The following KIAA0825 variants were observed in gnomAD, a reference collection of about 807,000 sequenced individuals.
KIAA0825 encodes uncharacterized protein KIAA0825.
In KIAA0825, 119 loss-of-function variants were observed where a neutral mutation model predicts 147.6. That is an observed-to-expected ratio of 0.81 (90% CI 0.69 to 0.94). KIAA0825 has a LOEUF of 0.94. KIAA0825 is among the 40% of genes least tolerant of loss of function. The probability of loss-of-function intolerance (pLI) is 0.00; values close to 1 mark genes in which losing one functional copy is unlikely to be tolerated. For missense variants in KIAA0825, 1,381 were observed against 1,472.7 expected (o/e 0.94, Z 1.02); for synonymous variants, 470 against 518.1 (o/e 0.91, Z 1.26).
chr5:94,356,871 C>T (rs1217016872), intron 20 of KIAA0825, among the ~76,000 whole-genome samples: 7 of 151,370 alleles, frequency 4.6e-5, no homozygotes, highest in African/African-American at 9.7e-5. Flanking sequence ...ACTACAGGTG[C>T]GCACCACCAC....
chr5:94,530,749 C>CA (rs1770628733), intron 3 of KIAA0825, among the ~76,000 whole-genome samples: 1 of 152,166 alleles, frequency 6.6e-6, no homozygotes, highest in African/African-American at 2.4e-5. Context: ...GGCTCCAGTC[C>CA]TCTTATAGTG....
intron 20 of KIAA0825, among the ~76,000 whole-genome samples, chr5:94,357,853 G>A (rs1342843668): frequency 6.6e-6 from 1 of 150,904 alleles, no homozygotes; most frequent in African/African-American, 2.4e-5. Context: ...CTAGACAAAA[G>A]ACGTATTCAA....
chr5:94,348,864 C>T (rs192815878), intron 20 of KIAA0825, among the ~76,000 whole-genome samples: 1 of 152,198 alleles, frequency 6.6e-6, no homozygotes, highest in African/African-American at 2.4e-5. Flanking sequence ...ACCTATAAAA[C>T]AAAAATACAA....
intron 13 of KIAA0825, among the ~76,000 whole-genome samples, chr5:94,452,628 A>G (rs1465462283): frequency 6.6e-6 from 1 of 152,210 alleles, no homozygotes; most frequent in Non-Finnish European, 1.5e-5. Flanking sequence ...AGTTAGTTAC[A>G]TGTCTATGTT....
At chr5:94,360,481 A>T (rs192346066) in intron 20 of KIAA0825, among the ~76,000 whole-genome samples, 84 of 152,276 alleles carry the variant, frequency 5.5e-4, no homozygotes, top group Middle Eastern at 3.4e-3. Flanking sequence ...TTGGCACAAG[A>T]TACAGGTCAT....
intron 1 of KIAA0825, among the ~76,000 whole-genome samples, chr5:94,616,068 GTGCTAGA>G (rs1177762300): frequency 6.6e-6 from 1 of 152,088 alleles, no homozygotes; most frequent in Non-Finnish European, 1.5e-5. Flanking sequence ...GCCAGGCACA[GTGCTAGA>G]TGCTGGGTTT....
At chr5:94,589,260 T>C (rs1783905024) in intron 1 of KIAA0825, among the ~76,000 whole-genome samples, 2 of 152,172 alleles carry the variant, frequency 1.3e-5, no homozygotes, top group Admixed American at 1.3e-4. Context: ...AAATTTTGCA[T>C]TTCTAACAAG....
At chr5:94,403,290 G>A (rs1388924710) in intron 16 of KIAA0825, among the ~76,000 whole-genome samples, 1 of 152,138 alleles carries the variant, frequency 6.6e-6, no homozygotes, top group African/African-American at 2.4e-5. Context: ...TCAAAATCAT[G>A]TCACCAATCT....
chr5:94,197,593 T>C (rs952876761), intron 20 of KIAA0825, among the ~76,000 whole-genome samples: 2 of 152,232 alleles, frequency 1.3e-5, no homozygotes, highest in Non-Finnish European at 1.5e-5. Flanking sequence ...TCTAGGGTTT[T>C]TATAGTTTTA....
chr5:94,557,943 C>A (rs879589536), intron 2 of KIAA0825, among the ~76,000 whole-genome samples: 4 of 152,304 alleles, frequency 2.6e-5, no homozygotes, highest in Non-Finnish European at 4.4e-5. Context: ...AACTTCCATC[C>A]CTCTGGATCT....
At chr5:94,618,010 G>A (rs1357412686) in intron 1 of KIAA0825, 3 of 152,184 alleles carry the variant, frequency 2.0e-5, no homozygotes, top group Admixed American at 2.0e-4. Flanking sequence ...ATGGCGGGAG[G>A]AACCTTCAAT....
At chr5:94,549,883 A>G (rs548939759) in intron 2 of KIAA0825, among the ~76,000 whole-genome samples, 1 of 152,322 alleles carries the variant, frequency 6.6e-6, no homozygotes, top group East Asian at 1.9e-4. Flanking sequence ...AACTAGACTC[A>G]AAATTAGTAT....
intron 8 of KIAA0825, among the ~76,000 whole-genome samples, chr5:94,472,610 A>C (rs372004457): frequency 6.6e-6 from 1 of 152,088 alleles, no homozygotes; most frequent in Non-Finnish European, 1.5e-5. Context: ...CGGGCGAGGT[A>C]GCGGGCGCCT....
intron 2 of KIAA0825, among the ~76,000 whole-genome samples, chr5:94,545,921 G>C (rs1774262292): frequency 6.6e-6 from 1 of 152,152 alleles, no homozygotes; most frequent in Admixed American, 6.5e-5. Flanking sequence ...AGGTCCCCAA[G>C]TCGAGGCCTA....
chr5:94,388,418 G>C (rs1329443339), intron 18 of KIAA0825, among the ~76,000 whole-genome samples: 3 of 152,118 alleles, frequency 2.0e-5, no homozygotes, highest in Non-Finnish European at 4.4e-5. Context: ...GTCACACATG[G>C]ACTCTTACTA....
At chr5:94,392,907 T>A (rs908190420) in intron 17 of KIAA0825, among the ~76,000 whole-genome samples, 1 of 152,168 alleles carries the variant, frequency 6.6e-6, no homozygotes, top group African/African-American at 2.4e-5. Flanking sequence ...CTAGAGTAAA[T>A]TGCTTGTTTT....
chr5:94,214,131 C>G (rs1274015357), intron 20 of KIAA0825, among the ~76,000 whole-genome samples: 1 of 152,100 alleles, frequency 6.6e-6, no homozygotes, highest in Non-Finnish European at 1.5e-5. Flanking sequence ...GCTAGGATTA[C>G]AGGCATGAAC....
chr5:94,550,824 A>C (rs147112022), intron 2 of KIAA0825, among the ~76,000 whole-genome samples: 2,275 of 151,288 alleles, frequency 0.015, 71 homozygotes, highest in African/African-American at 0.053. Flanking sequence ...CCTGGGCGAC[A>C]GAGCGAGACT....
chr5:94,457,154 C>A (rs1759215993), intron 12 of KIAA0825, among the ~76,000 whole-genome samples: 1 of 152,158 alleles, frequency 6.6e-6, no homozygotes, highest in African/African-American at 2.4e-5. Context: ...AAATTAGTTT[C>A]ATTATTCTAG....
Sources: gnomAD v4.1 joint callset for allele counts (sites outside exome capture counted in the v4.1 genomes callset) on GRCh38, gnomAD v4.1.1 for gene constraint, MANE v1.5 for transcripts, NCBI Gene and HGNC (gene_info 2026-07-23, HGNC 2026-07-21) for gene names.